Variants in ENOX1 observed in about 807,000 individuals in gnomAD.
ENOX1 encodes the protein ecto-NOX disulfide-thiol exchanger 1.
In ENOX1, 42 loss-of-function variants were observed where a neutral mutation model predicts 82.5. The ratio of observed to expected loss-of-function variants is 0.51; its 90% CI spans 0.40 to 0.66. ENOX1 has a LOEUF of 0.66. ENOX1 is among the 30% of genes least tolerant of loss of function. The probability of loss-of-function intolerance (pLI) is 0.00; values close to 1 mark genes in which losing one functional copy is unlikely to be tolerated. For synonymous variants in ENOX1, 271 were observed against 282.2 expected, an observed-to-expected ratio of 0.96 and a Z score of 0.40; for missense variants, 608 against 811.6, an observed-to-expected ratio of 0.75 and a Z score of 3.05.
At chr13:43,533,715 A>G (rs1027194366) in intron 2 of ENOX1, among the ~76,000 whole-genome samples, 1 of 152,188 alleles carries the variant, frequency 6.6e-6, no homozygotes, top group Admixed American at 6.5e-5. Flanking sequence ...CCATTCTCTC[A>G]TGCCTTATAT....
intron 14 of ENOX1, among the ~76,000 whole-genome samples, chr13:43,251,083 T>C (rs1018038072): frequency 2.0e-5 from 3 of 151,516 alleles, no homozygotes; most frequent in African/African-American, 7.3e-5. Flanking sequence ...TATCTTTGAT[T>C]CGATTGCTTA....
intron 2 of ENOX1, among the ~76,000 whole-genome samples, chr13:43,572,417 T>C (rs1379728987): frequency 1.3e-5 from 2 of 152,210 alleles, no homozygotes; most frequent in African/African-American, 4.8e-5. Flanking sequence ...ACATTTCCAA[T>C]TCCAACGTTC....
intron 12 of ENOX1, among the ~76,000 whole-genome samples, chr13:43,280,074 G>A (rs1470930696): frequency 6.6e-6 from 1 of 152,158 alleles, no homozygotes; most frequent in East Asian, 1.9e-4. Context: ...ATTATGTGAG[G>A]TGGTCATCAC....
intron 1 of ENOX1, among the ~76,000 whole-genome samples, chr13:43,754,116 A>T (rs1950496965): frequency 6.8e-6 from 1 of 146,954 alleles, no homozygotes; most frequent in South Asian, 2.1e-4. Context: ...ATATGTATAC[A>T]TAAGTATACG....
At chr13:43,340,664 T>C (rs180848319) in intron 9 of ENOX1, among the ~76,000 whole-genome samples, 101 of 152,352 alleles carry the variant, frequency 6.6e-4, no homozygotes, top group Non-Finnish European at 1.1e-3. Flanking sequence ...AGTACAGCTA[T>C]TGAGCTTTTT....
chr13:43,360,663 C>G (rs761852360), intron 6 of ENOX1, among the ~76,000 whole-genome samples: 14 of 150,756 alleles, frequency 9.3e-5, no homozygotes, highest in Non-Finnish European at 1.8e-4. Context: ...CTAAAGCAAT[C>G]TCCTGAAAAG....
intron 2 of ENOX1, among the ~76,000 whole-genome samples, chr13:43,653,665 ATCCCCT>A (rs2084298035): frequency 6.6e-6 from 1 of 152,170 alleles, no homozygotes. Flanking sequence ...AACTCCCCAT[ATCCCCT>A]GTGACTGTCA....
intron 1 of ENOX1, among the ~76,000 whole-genome samples, chr13:43,714,082 T>C (rs1319945924): frequency 1.4e-5 from 2 of 147,784 alleles, no homozygotes; most frequent in African/African-American, 2.5e-5. Context: ...CACACTGCTT[T>C]GAATGCGTCC....
At chr13:43,638,141 T>A (rs1370169414) in intron 2 of ENOX1, among the ~76,000 whole-genome samples, 1 of 152,204 alleles carries the variant, frequency 6.6e-6, no homozygotes, top group Non-Finnish European at 1.5e-5. Context: ...TATTTACCCA[T>A]CTTTCTGGAT....
chr13:43,334,295 A>C (rs1196609680), intron 9 of ENOX1, among the ~76,000 whole-genome samples: 3 of 152,262 alleles, frequency 2.0e-5, no homozygotes, highest in African/African-American at 7.2e-5. Context: ...TCATATATTT[A>C]GCAGTGGTGA....
At chr13:43,351,953 C>T (rs2049835351) in intron 8 of ENOX1, among the ~76,000 whole-genome samples, 2 of 152,196 alleles carry the variant, frequency 1.3e-5, no homozygotes, top group Non-Finnish European at 2.9e-5. Context: ...AATTTGCAAA[C>T]AGGCTCCTAT....
intron 1 of ENOX1, among the ~76,000 whole-genome samples, chr13:43,763,035 C>A (rs550925923): frequency 6.6e-6 from 1 of 152,140 alleles, no homozygotes; most frequent in Non-Finnish European, 1.5e-5. Context: ...TAACTGAAAT[C>A]GTCATTTTTG....
At chr13:43,722,183 GA>G (rs1347187034) in intron 1 of ENOX1, among the ~76,000 whole-genome samples, 1 of 152,212 alleles carries the variant, frequency 6.6e-6, no homozygotes, top group Non-Finnish European at 1.5e-5. Flanking sequence ...CAATGTAAGT[GA>G]AAGCATTTTG....
intron 2 of ENOX1, among the ~76,000 whole-genome samples, chr13:43,529,697 C>T (rs1263044823): frequency 6.6e-6 from 1 of 152,012 alleles, no homozygotes; most frequent in African/African-American, 2.4e-5. Flanking sequence ...CTGTCCGTGG[C>T]TTTAGGCATC....
At position 43,707,506 on chromosome 13, in the gene ENOX1, C is replaced by T. The variant is rs147888764; in HGVS notation, c.-284-39962G>A. Among the ~76,000 whole-genome samples, 1,368 of 152,162 alleles carry T rather than the reference C, an allele frequency of 9.0e-3. 21 individuals are homozygous for T. The highest frequency in any genetic ancestry group is 0.031 in the African/African-American group (1,293 of 41,516). On this transcript the variant is annotated intron_variant, in intron 1 of 16. Coordinates refer to ENST00000690772, the MANE Select transcript of ENOX1 (RefSeq NM_001347969.2). ...ATCCCAGCACTTTGGGAGGCCAAGG[C>T]GGGCGGATCATGAGGTCAAGAGATC...
At chr13:43,500,838 T>C (rs1243609558) in intron 2 of ENOX1, among the ~76,000 whole-genome samples, 2 of 151,952 alleles carry the variant, frequency 1.3e-5, no homozygotes, top group Non-Finnish European at 2.9e-5. Flanking sequence ...AACATAGTTT[T>C]TGTGTGTTAT....
At chr13:43,630,860 T>TACACACACACACAC (rs373900524) in intron 2 of ENOX1, among the ~76,000 whole-genome samples, 17,668 of 147,618 alleles carry the variant, frequency 0.12, 1,379 homozygotes, top group Admixed American at 0.24. Flanking sequence ...TATATATATA[T>TACACACACACACAC]ACACACACAC....
chr13:43,612,406 T>C (rs1172308634), intron 2 of ENOX1, among the ~76,000 whole-genome samples: 2 of 152,118 alleles, frequency 1.3e-5, no homozygotes, highest in Admixed American at 6.6e-5. Context: ...TTCTTGATAA[T>C]TGAGAAAGAT....
chr13:43,466,124 C>G (rs1005992741), intron 3 of ENOX1, among the ~76,000 whole-genome samples: 8 of 151,700 alleles, frequency 5.3e-5, no homozygotes, highest in African/African-American at 1.9e-4. Context: ...GCCCTAGGCT[C>G]TATAATCTGT....
Sources: allele counts gnomAD v4.1 joint callset (sites outside exome capture counted in the v4.1 genomes callset), GRCh38; gene constraint gnomAD v4.1.1; transcripts MANE v1.5; gene names NCBI Gene and HGNC (gene_info 2026-07-23, HGNC 2026-07-21).